FAT3: variants seen among roughly 807,000 people sequenced by gnomAD.
FAT3 encodes the protein protocadherin Fat 3.
FAT3 carries 95 observed loss-of-function variants against 310.2 expected under a neutral mutation model. The observed-to-expected ratio is 0.31, with a 90% CI of 0.26 to 0.36. The LOEUF (loss-of-function observed/expected upper bound fraction) is 0.36, where lower values mean the gene tolerates loss of function less well. FAT3 is among the 10% of genes least tolerant of loss of function. The pLI, the probability that FAT3 is intolerant of heterozygous loss-of-function variation, is 1.00. For missense variants in FAT3, 5,408 were observed against 5,715.6 expected (o/e 0.95, Z 1.74); for synonymous variants, 2,314 against 2,192.9 (o/e 1.06, Z -1.54).
chr11:92,447,351 T>G lies in FAT3; in HGVS notation c.3293-77283T>G, dbSNP rs1422921670. Among the ~76,000 whole-genome samples, 5 of 152,030 alleles carry G rather than the reference T, an allele frequency of 3.3e-5. No homozygotes were observed. In the East Asian group the frequency reaches 7.7e-4, roughly 24 times the overall value. On this transcript the variant is annotated intron_variant, in intron 2 of 27. Coordinates refer to ENST00000525166, the MANE Select transcript of FAT3 (RefSeq NM_001367949.2). ...CCCTGAGTCACCTTGGGGAAGTTAC[T>G]TAATCTGCTGGAGTCATACCTTTTT... is the stretch of plus-strand genomic sequence containing the variant.
intron 2 of FAT3, among the ~76,000 whole-genome samples, chr11:92,413,395 A>G (rs1950339166): frequency 6.6e-6 from 1 of 152,194 alleles, no homozygotes; most frequent in Non-Finnish European, 1.5e-5. Context: ...TTACATGTTG[A>G]GTATTCTGTC....
chr11:92,464,655 G>A (rs1176793977), intron 2 of FAT3, among the ~76,000 whole-genome samples: 2 of 152,198 alleles, frequency 1.3e-5, no homozygotes, highest in African/African-American at 2.4e-5. Flanking sequence ...TTATGCCAAA[G>A]TGGGTGGATT....
chr11:92,228,975 A>C (rs1864034422), intron 1 of FAT3, among the ~76,000 whole-genome samples: 1 of 152,130 alleles, frequency 6.6e-6, no homozygotes, highest in South Asian at 2.1e-4. Flanking sequence ...TTGATTGCTG[A>C]AGAAGGACTA....
At chr11:92,744,788 A>AG (rs1449878317) in intron 4 of FAT3, among the ~76,000 whole-genome samples, 1 of 152,246 alleles carries the variant, frequency 6.6e-6, no homozygotes, top group African/African-American at 2.4e-5. Flanking sequence ...GCCAAAAAAA[A>AG]GAAAGCATAT....
chr11:92,857,283 G>C lies in FAT3; in HGVS notation c.11435G>C (p.Ser3812Thr), dbSNP rs1565654677. 1 of 1,613,998 alleles carries C rather than the reference G, an allele frequency of 6.2e-7. No individual in the cohort carries two copies. The highest frequency in any genetic ancestry group is 8.5e-7 in the Non-Finnish European group (1 of 1,179,888). ...KPCPGDMQCVSYEASRRPFLC... is the reference protein window; with the variant it reads ...KPCPGDMQCVTYEASRRPFLC... ...TGTCCAGGGGACATGCAGTGTGTCA[G>C]TTATGAAGCCAGCAGGAGACCGTTC... The change falls in exon 20 of 28, where the codon AGT becomes ACT. Residue 3812 changes from serine to threonine, a missense_variant. Coordinates refer to ENST00000525166, the MANE Select transcript of FAT3 (RefSeq NM_001367949.2).
At chr11:92,517,485 A>C (rs1407585335) in intron 2 of FAT3, among the ~76,000 whole-genome samples, 1 of 152,240 alleles carries the variant, frequency 6.6e-6, no homozygotes, top group Non-Finnish European at 1.5e-5. Context: ...AGATGAATTA[A>C]AGATTTAAAT....
Position 92,354,426 on chromosome 11 carries a change from A to T in FAT3, c.2314A>T (p.Ser772Cys). 1 of 1,613,920 alleles carries T rather than the reference A, an allele frequency of 6.2e-7. No individual in the cohort carries two copies. The change falls in exon 2 of 28, where the codon AGT becomes TGT. Residue 772 changes from serine to cysteine, a missense_variant. This residue lies in a region of FAT3 where 4,588 missense variants were observed against 4,809.8 expected (regional missense o/e 0.95). Coordinates refer to ENST00000525166, the MANE Select transcript of FAT3 (RefSeq NM_001367949.2). ...TACAATATCAGATGGAAATACGGAT[A>T]GTTGCTTTAATATTGATATGGAGAC... ...LFTISDGNTDSCFNIDMETGQ... is the reference protein window; with the variant it reads ...LFTISDGNTDCCFNIDMETGQ...
chr11:92,363,401 G>A (rs754408247), intron 2 of FAT3, among the ~76,000 whole-genome samples: 1 of 152,166 alleles, frequency 6.6e-6, no homozygotes, highest in Non-Finnish European at 1.5e-5. Context: ...TCCTATAGTA[G>A]CATATCTCTT....
chr11:92,885,725 T>C (rs1054747111), intron 24 of FAT3, among the ~76,000 whole-genome samples: 2 of 152,212 alleles, frequency 1.3e-5, no homozygotes, highest in Non-Finnish European at 2.9e-5. Context: ...AAAGGAGTTT[T>C]ATGCTCAGCA....
intron 3 of FAT3, among the ~76,000 whole-genome samples, chr11:92,615,344 T>G (rs1443400447): frequency 1.3e-5 from 2 of 152,188 alleles, no homozygotes; most frequent in East Asian, 3.9e-4. Flanking sequence ...CCTCCTGGGT[T>G]CAAGCAATTC....
chr11:92,767,857 G>A (rs1043717269), intron 6 of FAT3, among the ~76,000 whole-genome samples: 1 of 152,082 alleles, frequency 6.6e-6, no homozygotes, highest in Non-Finnish European at 1.5e-5. Context: ...GTGAATGATG[G>A]AGATACCCCA....
intron 1 of FAT3, among the ~76,000 whole-genome samples, chr11:92,271,691 C>A (rs566067584): frequency 1.3e-5 from 2 of 151,932 alleles, no homozygotes; most frequent in East Asian, 3.9e-4. Flanking sequence ...TTGTCTCTTC[C>A]CTTCTGTAGC....
chr11:92,835,258 T>A (rs1461797903), intron 15 of FAT3, among the ~76,000 whole-genome samples, 174 bp downstream of exon 15: 1 of 152,160 alleles, frequency 6.6e-6, no homozygotes, highest in Non-Finnish European at 1.5e-5. Flanking sequence ...ATTTGTATAT[T>A]AGGAAGAGTC....
chr11:92,785,581 C>T, intron 7 of FAT3, among the ~76,000 whole-genome samples: 1 of 151,642 alleles, frequency 6.6e-6, no homozygotes, highest in Admixed American at 6.6e-5. Context: ...CCAAAAAAAA[C>T]AGTGAAATAT....
At chr11:92,253,557 G>T (rs1865209610) in intron 1 of FAT3, among the ~76,000 whole-genome samples, 1 of 152,048 alleles carries the variant, frequency 6.6e-6, no homozygotes, top group Non-Finnish European at 1.5e-5. Context: ...TTCCTCTGTG[G>T]AATGGGCCTT....
chr11:92,759,466 T>A (rs750759552), intron 4 of FAT3, among the ~76,000 whole-genome samples: 25 of 152,144 alleles, frequency 1.6e-4, no homozygotes, highest in Non-Finnish European at 3.5e-4. Flanking sequence ...AGCTGGCACT[T>A]GGTCTGTGGG....
chr11:92,716,428 T>G (rs542489289), intron 4 of FAT3, among the ~76,000 whole-genome samples: 2 of 152,170 alleles, frequency 1.3e-5, no homozygotes, highest in Non-Finnish European at 2.9e-5. Flanking sequence ...TGATCTACTC[T>G]TGACTTGTGC....
intron 3 of FAT3, among the ~76,000 whole-genome samples, chr11:92,635,907 T>C (rs1038170369): frequency 6.6e-6 from 1 of 152,190 alleles, no homozygotes; most frequent in African/African-American, 2.4e-5. Flanking sequence ...AACAAAGTAT[T>C]AGAAATAGAT....
In FAT3 at chr11:92,352,147, G is replaced by A. The variant is rs767625262; in HGVS notation, c.35G>A (p.Arg12Gln). The A allele has an allele frequency of 9.5e-6, 13 of 1,365,742 alleles. No homozygotes were observed. Among genetic ancestry groups the A allele is most frequent in the African/African-American group, 1.5e-5 (1 of 67,746 alleles). The allele number at this position is 1,365,742 out of a possible 1,614,324, so 84.6% of individuals were successfully genotyped here. ...DIIMGHCVGT[R>Q]PPACCLILLL... is the part of the protein sequence containing the mutation. ...ATTATGGGACACTGTGTGGGCACAC[G>A]GCCTCCTGCTTGTTGCCTCATCCTC... is the stretch of plus-strand genomic sequence containing the variant. Residue 12 changes from arginine (R) to glutamine (Q), a missense_variant, in exon 2 of 28, where the codon CGG becomes CAG. Coordinates refer to ENST00000525166, the MANE Select transcript of FAT3 (RefSeq NM_001367949.2).
Sources: allele counts gnomAD v4.1 joint callset (sites outside exome capture counted in the v4.1 genomes callset), GRCh38; gene constraint gnomAD v4.1.1; regional missense constraint gnomAD v4.1.1; transcripts MANE v1.5; gene names NCBI Gene and HGNC (gene_info 2026-07-23, HGNC 2026-07-21).